MERTK: variants seen among roughly 807,000 people sequenced by gnomAD.
MERTK encodes MER proto-oncogene, tyrosine kinase.
In MERTK, 69 loss-of-function variants were observed where a neutral mutation model predicts 99.3. The ratio of observed to expected loss-of-function variants is 0.70; its 90% CI spans 0.57 to 0.85. The LOEUF is 0.85. MERTK is among the 40% of genes least tolerant of loss of function. The probability of loss-of-function intolerance (pLI) is 0.00; values close to 1 mark genes in which losing one functional copy is unlikely to be tolerated. For synonymous variants in MERTK, 426 were observed against 467.6 expected, an observed-to-expected ratio of 0.91 and a Z score of 1.15; for missense variants, 1,125 against 1,249.4, an observed-to-expected ratio of 0.90 and a Z score of 1.50.
chr2:112,028,250 C>A, intron 18 of MERTK, 101 bp from the exon 19 acceptor site: 1 of 1,265,950 alleles, frequency 7.9e-7, no homozygotes, highest in Non-Finnish European at 1.1e-6. Context: ...AGAATGAATG[C>A]TGATTAAAAT....
At chr2:112,004,085 C>A in intron 13 of MERTK, 101 bp downstream of exon 13, 1 of 999,668 alleles carries the variant, frequency 1.0e-6, no homozygotes, top group Non-Finnish European at 1.6e-6. Context: ...TCCCAGTGGG[C>A]CAGAAGGCAA....
At chr2:111,997,155 G>C in intron 9 of MERTK, 168 bp from the exon 10 acceptor site, 1 of 824,194 alleles carries the variant, frequency 1.2e-6, no homozygotes, top group East Asian at 2.4e-5. Flanking sequence ...CAGTTATTAA[G>C]ATCTCTTCGC....
At chr2:111,906,981 G>A (rs1294433411) in intron 1 of MERTK, among the ~76,000 whole-genome samples, 1 of 152,030 alleles carries the variant, frequency 6.6e-6, no homozygotes, top group Non-Finnish European at 1.5e-5. Context: ...GGTGGGAAGG[G>A]ATACTTTCTC....
At chr2:111,942,858 G>A (rs774728133) in intron 2 of MERTK, among the ~76,000 whole-genome samples, 2 of 152,186 alleles carry the variant, frequency 1.3e-5, no homozygotes, top group East Asian at 1.9e-4. Flanking sequence ...CTGACCCCCC[G>A]AGTTCTGACT....
At chr2:111,956,521 G>T (rs1685151545) in intron 4 of MERTK, among the ~76,000 whole-genome samples, 2 of 152,126 alleles carry the variant, frequency 1.3e-5, no homozygotes, top group African/African-American at 4.8e-5. Context: ...TTAGTTAGCT[G>T]GATATAATTA....
intron 3 of MERTK, among the ~76,000 whole-genome samples, chr2:111,945,417 C>G (rs1684946096): frequency 6.6e-6 from 1 of 152,238 alleles, no homozygotes; most frequent in Non-Finnish European, 1.5e-5. Flanking sequence ...GTACCAGATA[C>G]CACTCACCTG....
intron 2 of MERTK, 122 bp downstream of exon 2, chr2:111,929,662 T>C (rs56097129): frequency 0.24 from 178,802 of 730,858 alleles, 30,378 homozygotes; most frequent in East Asian, 0.8. Flanking sequence ...TCTCAGCTCA[T>C]TGCAACCTCC....
chr2:112,010,075 C>T lies in MERTK; in HGVS notation c.2079+9C>T. The stretch of plus-strand genomic sequence containing the variant: ...TGGAGACAGGACCAAAGGTAATGAT[C>T]TCCTTGTGTTACCCCTGAACACTTC... On this transcript the variant is annotated intron_variant, in intron 15 of 18. Coordinates refer to ENST00000295408, the MANE Select transcript of MERTK (RefSeq NM_006343.3). 1 of 1,570,888 alleles carries T rather than the reference C, an allele frequency of 6.4e-7. No homozygotes were observed. The highest frequency in any genetic ancestry group is 8.8e-7 in the Non-Finnish European group (1 of 1,140,952).
chr2:111,930,920 T>C (rs951985578), intron 2 of MERTK, among the ~76,000 whole-genome samples: 1 of 152,158 alleles, frequency 6.6e-6, no homozygotes, highest in Non-Finnish European at 1.5e-5. Flanking sequence ...GTGCACAGTT[T>C]TAGAATTGGG....
intron 2 of MERTK, among the ~76,000 whole-genome samples, chr2:111,936,876 T>G (rs1684773793): frequency 1.3e-5 from 2 of 152,168 alleles, no homozygotes; most frequent in African/African-American, 4.8e-5. Flanking sequence ...TTAGCTCTGA[T>G]GTCTAGTATA....
At chr2:111,912,753 A>G (rs1030960861) in intron 1 of MERTK, among the ~76,000 whole-genome samples, 6 of 152,054 alleles carry the variant, frequency 3.9e-5, no homozygotes, top group Non-Finnish European at 7.4e-5. Flanking sequence ...ACTCATGCTT[A>G]TCATTCAGTG....
At chr2:111,945,165 A>G in intron 3 of MERTK, 105 bp downstream of exon 3, 1 of 861,010 alleles carries the variant, frequency 1.2e-6, no homozygotes, top group Non-Finnish European at 1.9e-6. Flanking sequence ...CCTATTTATA[A>G]CTCTGTATGC....
intron 2 of MERTK, among the ~76,000 whole-genome samples, chr2:111,936,469 C>T (rs1684766421): frequency 6.6e-6 from 1 of 152,040 alleles, no homozygotes; most frequent in South Asian, 2.1e-4. Flanking sequence ...GGGGTATATA[C>T]AAGGGAAGAA....
Position 111,997,308 on chromosome 2 carries a change from T to C in MERTK, c.1451-15T>C, listed in dbSNP as rs1676767276. Reference sequence around the variant, plus strand: ...ATATTTCAAACCCATGACTGGTCTATTGGTATCTCACCAGGTTGGGTAGAT... The same window carrying C: ...ATATTTCAAACCCATGACTGGTCTACTGGTATCTCACCAGGTTGGGTAGAT... On this transcript the variant is annotated splice_polypyrimidine_tract_variant and intron_variant, in intron 9 of 18. Transcript: ENST00000295408. The C allele has an allele frequency of 1.9e-6, 3 of 1,613,684 alleles. No homozygotes were observed. The highest frequency in any genetic ancestry group is 1.3e-5 in the African/African-American group (1 of 74,934).
chr2:111,961,026 A>G (rs1685240131), intron 4 of MERTK, among the ~76,000 whole-genome samples: 1 of 151,918 alleles, frequency 6.6e-6, no homozygotes. Context: ...CCTCAGTGCA[A>G]TAAATATTTT....
At chr2:111,996,758 T>A (rs1343209158) in intron 9 of MERTK, among the ~76,000 whole-genome samples, 1 of 152,158 alleles carries the variant, frequency 6.6e-6, no homozygotes, top group Non-Finnish European at 1.5e-5. Flanking sequence ...TTTACAACAT[T>A]GAAAGAACAA....
At chr2:111,910,093 G>A (rs1484134823) in intron 1 of MERTK, among the ~76,000 whole-genome samples, 1 of 152,072 alleles carries the variant, frequency 6.6e-6, no homozygotes, top group Non-Finnish European at 1.5e-5. Context: ...GGCAAGACCT[G>A]GTCTCTACTA....
chr2:112,008,685 A>G (rs10210692), intron 14 of MERTK: 383,333 of 653,230 alleles, frequency 0.59, 115,074 homozygotes, highest in Admixed American at 0.62. Context: ...GGACGCTGAT[A>G]GGCTCAGGAA....
At chr2:111,962,753 C>G (rs533908645) in intron 4 of MERTK, among the ~76,000 whole-genome samples, 2 of 152,166 alleles carry the variant, frequency 1.3e-5, no homozygotes. Flanking sequence ...ATCCAGGACA[C>G]CACATTGCAT....
Sources: gnomAD v4.1 joint callset for allele counts (sites outside exome capture counted in the v4.1 genomes callset) on GRCh38, gnomAD v4.1.1 for gene constraint, MANE v1.5 for transcripts, NCBI Gene and HGNC (gene_info 2026-07-23, HGNC 2026-07-21) for gene names.